FBXL13: variants seen among roughly 807,000 people sequenced by gnomAD.
FBXL13 encodes the protein F-box and leucine-rich repeat protein 13.
Under a neutral mutation model 83.6 loss-of-function variants are expected in FBXL13, and 67 were observed. The observed-to-expected ratio is 0.80, with a 90% CI of 0.66 to 0.98. The LOEUF is 0.98. Ranked by LOEUF, FBXL13 falls within the 50% of genes least tolerant of loss-of-function variation. FBXL13 has a pLI of 0.00. For synonymous variants in FBXL13, 272 were observed against 299.5 expected, an observed-to-expected ratio of 0.91 and a Z score of 0.95; for missense variants, 822 against 866.5, an observed-to-expected ratio of 0.95 and a Z score of 0.64.
intron 11 of FBXL13, among the ~76,000 whole-genome samples, chr7:102,891,092 A>T (rs993930080): frequency 1.3e-5 from 2 of 152,226 alleles, no homozygotes; most frequent in African/African-American, 4.8e-5. Context: ...AAGCATCTTT[A>T]ATAGCAACAC....
chr7:102,954,151 G>A (rs1368034683), intron 8 of FBXL13, among the ~76,000 whole-genome samples: 2 of 152,176 alleles, frequency 1.3e-5, no homozygotes, highest in African/African-American at 2.4e-5. Flanking sequence ...GAAGCACAAG[G>A]GGTCGGGGGA....
intron 11 of FBXL13, among the ~76,000 whole-genome samples, chr7:102,901,813 T>G (rs1812998907): frequency 6.6e-6 from 1 of 152,206 alleles, no homozygotes; most frequent in Non-Finnish European, 1.5e-5. Flanking sequence ...ATGTACCACA[T>G]TTTCTTTTTC....
chr7:102,874,265 G>A, intron 16 of FBXL13: 4 of 812,618 alleles, frequency 4.9e-6, no homozygotes, highest in Non-Finnish European at 5.9e-6. Context: ...AATCAGGCTG[G>A]TGTTTAGCTG....
chr7:102,836,724 T>C (rs1052126534), intron 17 of FBXL13, among the ~76,000 whole-genome samples: 1 of 152,226 alleles, frequency 6.6e-6, no homozygotes, highest in Non-Finnish European at 1.5e-5. Context: ...AGTCACAGTG[T>C]AGGCACTTAA....
chr7:102,818,273 A>G (rs921422874), intron 19 of FBXL13, among the ~76,000 whole-genome samples: 1 of 152,216 alleles, frequency 6.6e-6, no homozygotes, highest in Non-Finnish European at 1.5e-5. Context: ...TTGAGAATGT[A>G]ATATAAAGGC....
chr7:102,818,889 T>C (rs1336632535), intron 19 of FBXL13, among the ~76,000 whole-genome samples: 1 of 152,130 alleles, frequency 6.6e-6, no homozygotes, highest in African/African-American at 2.4e-5. Context: ...CACAGATCAT[T>C]CCATCACCCA....
chr7:102,829,834 C>T (rs934707793), intron 18 of FBXL13, among the ~76,000 whole-genome samples: 3 of 152,090 alleles, frequency 2.0e-5, no homozygotes, highest in African/African-American at 7.2e-5. Flanking sequence ...ATGTGTTTTA[C>T]GGCTCATCAA....
At chr7:102,992,910 AAACACTTT>A (rs1318775288) in intron 6 of FBXL13, among the ~76,000 whole-genome samples, 1 of 152,214 alleles carries the variant, frequency 6.6e-6, no homozygotes, top group Non-Finnish European at 1.5e-5. Context: ...CCCAGCCTGT[AAACACTTT>A]AACAGAGACA....
intron 17 of FBXL13, among the ~76,000 whole-genome samples, chr7:102,841,016 T>C (rs74982358): frequency 4.7e-4 from 72 of 152,168 alleles, no homozygotes; most frequent in African/African-American, 1.7e-3. Flanking sequence ...CTGGAATTGA[T>C]AGGGAGGGTT....
chr7:102,839,169 CA>C (rs1173673090), intron 17 of FBXL13, among the ~76,000 whole-genome samples: 2 of 152,206 alleles, frequency 1.3e-5, no homozygotes, highest in Non-Finnish European at 2.9e-5. Context: ...TGGAGAGAAG[CA>C]AAAATCTGGC....
chr7:102,981,800 A>G (rs1478196362), intron 6 of FBXL13, among the ~76,000 whole-genome samples: 1 of 152,176 alleles, frequency 6.6e-6, no homozygotes, highest in Non-Finnish European at 1.5e-5. Flanking sequence ...ATTTCCAAAG[A>G]CGTCACCTGC....
intron 14 of FBXL13, among the ~76,000 whole-genome samples, chr7:102,879,453 G>GTGTA (rs1563033682): frequency 6.6e-6 from 1 of 151,668 alleles, no homozygotes; most frequent in Non-Finnish European, 1.5e-5. Context: ...GTGTGTGTGT[G>GTGTA]TGTGTGTGTG....
chr7:102,926,175 G>T (rs189590095), intron 10 of FBXL13, 99 bp downstream of exon 11: 3 of 920,400 alleles, frequency 3.3e-6, no homozygotes, highest in East Asian at 2.7e-5. Context: ...GTGGTGGGGT[G>T]TTGATAAAGG....
chr7:102,942,834 G>A (rs1013720424), intron 8 of FBXL13, among the ~76,000 whole-genome samples: 4 of 152,072 alleles, frequency 2.6e-5, no homozygotes, highest in Admixed American at 6.5e-5. Flanking sequence ...AAATAAGGAC[G>A]CTATGCTCTA....
At chr7:102,842,186 G>A (rs1036883138) in intron 17 of FBXL13, among the ~76,000 whole-genome samples, 5 of 152,186 alleles carry the variant, frequency 3.3e-5, no homozygotes, top group Non-Finnish European at 7.3e-5. Context: ...AGCTTCTGCT[G>A]CAACAAAGGC....
intron 2 of FBXL13, among the ~76,000 whole-genome samples, chr7:103,036,862 C>A (rs1795126003): frequency 1.3e-5 from 2 of 152,188 alleles, no homozygotes; most frequent in African/African-American, 4.8e-5. Context: ...CAGAAACGCT[C>A]ACTAACATTT....
intron 6 of FBXL13, among the ~76,000 whole-genome samples, chr7:102,970,939 GAC>G (rs1826569761): frequency 6.6e-6 from 1 of 152,048 alleles, no homozygotes; most frequent in Admixed American, 6.6e-5. Context: ...GATGCTAAGA[GAC>G]ACATTACATA....
chr7:103,042,861 A>G (rs1795871790), intron 2 of FBXL13, among the ~76,000 whole-genome samples: 1 of 152,236 alleles, frequency 6.6e-6, no homozygotes, highest in Admixed American at 6.5e-5. Flanking sequence ...TAACACCATA[A>G]AAACCCTAGA....
chr7:102,969,580 A>G (rs1466099185), intron 6 of FBXL13, among the ~76,000 whole-genome samples: 4 of 152,092 alleles, frequency 2.6e-5, no homozygotes, highest in African/African-American at 9.7e-5. Flanking sequence ...AGGTCGAGGC[A>G]GGTGGATTGC....
Sources: gnomAD v4.1 joint callset for allele counts (sites outside exome capture counted in the v4.1 genomes callset) on GRCh38, gnomAD v4.1.1 for gene constraint, MANE v1.5 for transcripts, NCBI Gene and HGNC (gene_info 2026-07-23, HGNC 2026-07-21) for gene names.